GRM7: variants seen among roughly 807,000 people sequenced by gnomAD.
GRM7 encodes the protein glutamate metabotropic receptor 7, also known as metabotropic glutamate receptor 7.
In GRM7, 35 loss-of-function variants were observed where a neutral mutation model predicts 84.5. That is an observed-to-expected ratio of 0.41 (90% confidence interval 0.32 to 0.55). The LOEUF (loss-of-function observed/expected upper bound fraction) is 0.55, where lower values mean the gene tolerates loss of function less well. Ranked by LOEUF, GRM7 falls within the 20% of genes least tolerant of loss-of-function variation. GRM7 has a pLI of 0.19. For missense variants in GRM7, 1,003 were observed against 1,194.6 expected (o/e 0.84, Z 2.36); for synonymous variants, 487 against 455.1 (o/e 1.07, Z -0.89).
At chr3:7,202,058 C>A (rs1696086072) in intron 2 of GRM7, among the ~76,000 whole-genome samples, 1 of 151,926 alleles carries the variant, frequency 6.6e-6, no homozygotes. Flanking sequence ...CTATTAGGAT[C>A]TGGTGCTCTT....
chr3:7,542,511 ATTCTTT>A (rs1692930615), intron 7 of GRM7, among the ~76,000 whole-genome samples: 1 of 148,270 alleles, frequency 6.7e-6, no homozygotes, highest in East Asian at 2.0e-4. Context: ...CTACTTTTTC[ATTCTTT>A]TTCTTTTTAA....
intron 1 of GRM7, among the ~76,000 whole-genome samples, chr3:6,996,881 G>T (rs960684714): frequency 6.6e-6 from 1 of 152,126 alleles, no homozygotes; most frequent in African/African-American, 2.4e-5. Context: ...AAAAGCTAGT[G>T]AATTGACAAG....
At chr3:7,517,842 T>C (rs1487836030) in intron 7 of GRM7, among the ~76,000 whole-genome samples, 1 of 152,220 alleles carries the variant, frequency 6.6e-6, no homozygotes, top group Non-Finnish European at 1.5e-5. Context: ...CTTAAGTAGT[T>C]TTCCCAAGCT....
intron 1 of GRM7, among the ~76,000 whole-genome samples, chr3:6,968,811 G>A (rs1004473808): frequency 1.3e-5 from 2 of 152,096 alleles, no homozygotes; most frequent in African/African-American, 4.8e-5. Context: ...CTGAAAGCAA[G>A]GCACTTAACC....
chr3:7,045,095 C>T (rs1390382375), intron 1 of GRM7, among the ~76,000 whole-genome samples: 3 of 152,138 alleles, frequency 2.0e-5, no homozygotes, highest in Admixed American at 1.3e-4. Flanking sequence ...TTTTGAGCTG[C>T]AGCCTGACCT....
chr3:7,402,236 A>T (rs913220890), intron 4 of GRM7, among the ~76,000 whole-genome samples: 6 of 152,206 alleles, frequency 3.9e-5, no homozygotes, highest in Non-Finnish European at 8.8e-5. Flanking sequence ...TCTGGTTGGC[A>T]CAGATAAGGT....
rs953250079 is a variant in GRM7 at position 7,547,041 on chromosome 3, T to A, written c.1516-31381T>A. On this transcript the variant is annotated intron_variant, in intron 7 of 9. Coordinates refer to ENST00000357716, the MANE Select transcript of GRM7 (RefSeq NM_000844.4). Reference sequence around the variant, plus strand: ...AAACTAAATCAGAACGCAATCTGAATCCTACAGAACCCCCAAGGCCTAAAC... The same window carrying A: ...AAACTAAATCAGAACGCAATCTGAAACCTACAGAACCCCCAAGGCCTAAAC... Among the ~76,000 whole-genome samples, 7 of 151,970 alleles carry A rather than the reference T, an allele frequency of 4.6e-5. No individual in the cohort carries two copies. The East Asian group carries it at 9.7e-4, about 21-fold the overall frequency.
intron 1 of GRM7, among the ~76,000 whole-genome samples, chr3:6,887,387 C>G (rs1695739231): frequency 6.6e-6 from 1 of 151,988 alleles, no homozygotes; most frequent in Non-Finnish European, 1.5e-5. Flanking sequence ...CCCCTTCCCC[C>G]ACCCCACAAC....
chr3:7,622,940 G>A (rs940117012), intron 8 of GRM7, among the ~76,000 whole-genome samples: 7 of 152,092 alleles, frequency 4.6e-5, no homozygotes, highest in Admixed American at 2.0e-4. Flanking sequence ...GGGAAAGTGG[G>A]GGGTTGCAGG....
chr3:7,203,422 T>C lies in GRM7; in HGVS notation c.736+56754T>C, dbSNP rs74478535. Among the ~76,000 whole-genome samples, 45 of 152,302 alleles carry C rather than the reference T, an allele frequency of 3.0e-4. No individual in the cohort carries two copies. In the East Asian group the frequency reaches 7.5e-3, roughly 25 times the overall value. On this transcript the variant is annotated intron_variant, in intron 2 of 9. Transcript: ENST00000357716. The stretch of plus-strand genomic sequence containing the variant: ...TTTTATGGCTGAATAGTATTCCATA[T>C]CGTGTACGTGTGTTTGTGTGTGTAT...
At chr3:6,881,727 A>G (rs2124963755) in intron 1 of GRM7, among the ~76,000 whole-genome samples, 1 of 152,270 alleles carries the variant, frequency 6.6e-6, no homozygotes, top group East Asian at 1.9e-4. Flanking sequence ...CAAATCAAAT[A>G]TACATTCTTA....
intron 1 of GRM7, among the ~76,000 whole-genome samples, chr3:6,871,190 AC>A (rs761959308): frequency 6.6e-5 from 10 of 152,130 alleles, no homozygotes; most frequent in Non-Finnish European, 1.3e-4. Flanking sequence ...ATAACTATAA[AC>A]ATTTAGAGGA....
intron 2 of GRM7, among the ~76,000 whole-genome samples, chr3:7,172,083 C>T (rs1459383290): frequency 6.6e-6 from 1 of 152,066 alleles, no homozygotes; most frequent in Admixed American, 6.6e-5. Flanking sequence ...GTTCCATTTC[C>T]ATGTATATTG....
At chr3:7,381,484 A>G (rs1290507147) in intron 4 of GRM7, among the ~76,000 whole-genome samples, 2 of 152,172 alleles carry the variant, frequency 1.3e-5, no homozygotes, top group Non-Finnish European at 2.9e-5. Flanking sequence ...GGAGGCAAGC[A>G]TTAAACATTT....
At chr3:7,387,552 T>C (rs896998766) in intron 4 of GRM7, among the ~76,000 whole-genome samples, 5 of 152,128 alleles carry the variant, frequency 3.3e-5, no homozygotes, top group African/African-American at 1.2e-4. Flanking sequence ...GGATATATTT[T>C]CTCTATTGTT....
At chr3:6,936,704 A>G (rs762062249) in intron 1 of GRM7, among the ~76,000 whole-genome samples, 2 of 152,236 alleles carry the variant, frequency 1.3e-5, no homozygotes, top group African/African-American at 4.8e-5. Context: ...TAAAAGAATC[A>G]CAAGTCCCCT....
intron 7 of GRM7, chr3:7,559,119 A>T (rs527674749): frequency 6.8e-6 from 1 of 147,166 alleles, no homozygotes; most frequent in Admixed American, 6.9e-5. Flanking sequence ...CAACACACAT[A>T]TATTAACAGT....
Position 6,901,891 on chromosome 3 carries a change from GT to G in GRM7, c.519+39987del, listed in dbSNP as rs552357123. Among the ~76,000 whole-genome samples the G allele has an allele frequency of 1.6e-3, 243 of 151,834 alleles. 2 individuals are homozygous for G. Among genetic ancestry groups the G allele is most frequent in the African/African-American group, 5.6e-3 (231 of 41,424 alleles). On this transcript the variant is annotated intron_variant, in intron 1 of 9. Coordinates refer to ENST00000357716, the MANE Select transcript of GRM7 (RefSeq NM_000844.4). Reference sequence around the variant, plus strand: ...CATAATATCAGTGAAGTCCTCTTAAGTTTCTATTTGTTGAACTCTCCTTGAC... The same window carrying G: ...CATAATATCAGTGAAGTCCTCTTAAGTTCTATTTGTTGAACTCTCCTTGAC...
chr3:7,333,753 A>G (rs1393658384), intron 4 of GRM7, among the ~76,000 whole-genome samples: 1 of 152,068 alleles, frequency 6.6e-6, no homozygotes, highest in East Asian at 1.9e-4. Flanking sequence ...AGAGAAATAA[A>G]TATTATAAAG....
Sources: gnomAD v4.1 joint callset for allele counts (sites outside exome capture counted in the v4.1 genomes callset) on GRCh38, gnomAD v4.1.1 for gene constraint, MANE v1.5 for transcripts, NCBI Gene and HGNC (gene_info 2026-07-23, HGNC 2026-07-21) for gene names.